SNRPF: variants seen among roughly 807,000 people sequenced by gnomAD.
The protein encoded by SNRPF is small nuclear ribonucleoprotein F.
SNRPF carries 1 observed loss-of-function variant against 13.4 expected under a neutral mutation model. That is an observed-to-expected ratio of 0.07 (90% CI 0.03 to 0.35). The LOEUF (loss-of-function observed/expected upper bound fraction) is 0.35. Ranked by LOEUF, SNRPF falls within the 10% of genes least tolerant of loss-of-function variation. SNRPF has a pLI of 0.99. For missense variants in SNRPF, 53 were observed against 101.0 expected (o/e 0.52, Z 2.04); for synonymous variants, 27 against 32.1 (o/e 0.84, Z 0.54).
In SNRPF at chr12:95,866,098, A is replaced by T; in HGVS notation, c.*27A>T. On this transcript the variant is annotated 3_prime_UTR_variant, in exon 4 of 4. Coordinates refer to ENST00000266735, the MANE Select transcript of SNRPF (RefSeq NM_003095.5). ...ATCTTTTGTGGGGGATTTTTTTTAT[A>T]TATATTTCTAGACAATAAAGATTTG... The T allele has an allele frequency of 8.9e-7, 1 of 1,117,448 alleles. No homozygotes were observed. The highest frequency in any genetic ancestry group is 1.3e-6 in the Non-Finnish European group (1 of 754,530). The allele number at this position is 1,117,448 out of a possible 1,614,324, so 69.2% of individuals were successfully genotyped here. A position where few individuals can be genotyped will look rare whatever the true frequency, so the allele number is the denominator to read the frequency against.
At chr12:95,864,316 A>T (rs879839127) in intron 2 of SNRPF, among the ~76,000 whole-genome samples, 34 of 152,220 alleles carry the variant, frequency 2.2e-4, no homozygotes, top group African/African-American at 6.7e-4. Context: ...ATCACTCCTT[A>T]GTTCCTTCTC....
chr12:95,861,636 T>G, intron 2 of SNRPF: 1 of 231,856 alleles, frequency 4.3e-6, no homozygotes, highest in Non-Finnish European at 8.5e-6. Flanking sequence ...AGTGAAATTA[T>G]TGAGTCTTTT....
At chr12:95,864,141 A>G (rs1210628815) in intron 2 of SNRPF, among the ~76,000 whole-genome samples, 2 of 152,210 alleles carry the variant, frequency 1.3e-5, no homozygotes, top group Non-Finnish European at 2.9e-5. Context: ...GATAATGGAG[A>G]TTACTTTTTG....
chr12:95,862,155 G>T (rs979723029), intron 2 of SNRPF, among the ~76,000 whole-genome samples: 2 of 152,064 alleles, frequency 1.3e-5, no homozygotes, highest in South Asian at 4.1e-4. Context: ...TTGACTTAAC[G>T]TAGTGTATTA....
At position 95,866,094 on chromosome 12, in the gene SNRPF, T is replaced by TTA; in HGVS notation, c.*31_*32dup. On this transcript the variant is annotated 3_prime_UTR_variant, in exon 4 of 4. Transcript: ENST00000266735. The stretch of plus-strand genomic sequence containing the variant: ...TAGCATCTTTTGTGGGGGATTTTTT[T>TTA]TATATATATTTCTAGACAATAAAGA... 1 of 1,186,292 alleles carries TTA rather than the reference T, an allele frequency of 8.4e-7. No individual in the cohort carries two copies. The allele number at this position is 1,186,292 out of a possible 1,614,324, so 73.5% of individuals were successfully genotyped here.
chr12:95,865,431 A>T lies in SNRPF; in HGVS notation c.194+43A>T, dbSNP rs1038332773. ...TATATGTAAGGAGTTACTGGTGAGC[A>T]TTAGGAATACCTGTTCTAAATATAT... On this transcript the variant is annotated intron_variant, in intron 3 of 3. Coordinates refer to ENST00000266735, the MANE Select transcript of SNRPF (RefSeq NM_003095.5). 4 of 903,744 alleles carry T rather than the reference A, an allele frequency of 4.4e-6. No homozygotes were observed. In the African/African-American group the frequency reaches 6.6e-5, roughly 15 times the overall value. 56.0% of individuals were successfully genotyped at this position (903,744 alleles called of 1,614,324 possible). A position where few individuals can be genotyped will look rare whatever the true frequency, so the allele number is the denominator to read the frequency against.
At chr12:95,861,397 CA>C in intron 2 of SNRPF, 104 bp downstream of exon 2, 1 of 1,103,852 alleles carries the variant, frequency 9.1e-7, no homozygotes. Flanking sequence ...ATTAAATTGA[CA>C]AATATACGGC....
At chr12:95,859,679 C>T (rs959459532) in intron 1 of SNRPF, among the ~76,000 whole-genome samples, 2 of 152,172 alleles carry the variant, frequency 1.3e-5, no homozygotes, top group South Asian at 4.2e-4. Flanking sequence ...AGCATAAGAC[C>T]TGCGGCCGGA....
intron 1 of SNRPF, among the ~76,000 whole-genome samples, chr12:95,859,362 G>C (rs1345622555): frequency 1.3e-5 from 2 of 152,164 alleles, no homozygotes; most frequent in African/African-American, 4.8e-5. Flanking sequence ...AAGAGAATTT[G>C]CACTTCCCAC....
At chr12:95,864,837 G>A (rs1236553187) in intron 2 of SNRPF, among the ~76,000 whole-genome samples, 3 of 152,216 alleles carry the variant, frequency 2.0e-5, no homozygotes, top group Non-Finnish European at 4.4e-5. Flanking sequence ...GGTGTTCAAG[G>A]TTTTGGTCAG....
intron 1 of SNRPF, 132 bp downstream of exon 1, chr12:95,859,208 C>G: frequency 1.3e-6 from 1 of 744,118 alleles, no homozygotes; most frequent in South Asian, 1.5e-5. Flanking sequence ...GTCGCCAGCT[C>G]CTTTCACTCT....
intron 3 of SNRPF, 106 bp from the exon 4 acceptor site, chr12:95,865,899 G>T: frequency 2.2e-6 from 1 of 450,858 alleles, no homozygotes; most frequent in Non-Finnish European, 4.0e-6. Context: ...TTAAAGACAA[G>T]AATATTATAA....
intron 2 of SNRPF, among the ~76,000 whole-genome samples, chr12:95,862,367 T>C (rs756595666): frequency 2.2e-4 from 33 of 152,320 alleles, no homozygotes; most frequent in Non-Finnish European, 2.5e-4. Context: ...TTCAGCTCTT[T>C]GGGGTATATA....
intron 2 of SNRPF, chr12:95,865,079 A>G (rs1189912972): frequency 3.3e-6 from 1 of 302,938 alleles, no homozygotes; most frequent in Non-Finnish European, 6.1e-6. Flanking sequence ...GAAATATTAC[A>G]TAACCTGGGA....
chr12:95,860,516 G>C (rs774484530), intron 1 of SNRPF, among the ~76,000 whole-genome samples: 13 of 152,136 alleles, frequency 8.5e-5, no homozygotes, highest in Non-Finnish European at 1.6e-4. Context: ...TTGTATGTGA[G>C]GAGTTCCCCT....
chr12:95,866,104 TTC>T lies in SNRPF; in HGVS notation c.*35_*36del. Reference sequence around the variant, plus strand: ...TGTGGGGGATTTTTTTTATATATATTTCTAGACAATAAAGATTTGTTTGTTTT... The same window carrying T: ...TGTGGGGGATTTTTTTTATATATATTTAGACAATAAAGATTTGTTTGTTTT... On this transcript the variant is annotated 3_prime_UTR_variant, in exon 4 of 4. Coordinates refer to ENST00000266735, the MANE Select transcript of SNRPF (RefSeq NM_003095.5). 9.7e-7 allele frequency: 1 copy of T among 1,027,466 alleles called. No individual in the cohort carries two copies. Among genetic ancestry groups the T allele is most frequent in the Non-Finnish European group, 1.5e-6 (1 of 682,074 alleles). The allele number at this position is 1,027,466 out of a possible 1,614,324, so 63.6% of individuals were successfully genotyped here. A position where few individuals can be genotyped will look rare whatever the true frequency, so the allele number is the denominator to read the frequency against.
At chr12:95,865,606 A>C (rs898047647) in intron 3 of SNRPF, among the ~76,000 whole-genome samples, 115 of 152,260 alleles carry the variant, frequency 7.6e-4, no homozygotes, top group African/African-American at 2.7e-3. Context: ...TCTAGTGTTG[A>C]TGTTTAATTT....
intron 3 of SNRPF, 132 bp downstream of exon 3, chr12:95,865,520 A>G (rs1377803804): frequency 2.3e-6 from 1 of 437,686 alleles, no homozygotes; most frequent in Non-Finnish European, 4.1e-6. Context: ...TTACAGTTAG[A>G]CTTCAGAAGT....
chr12:95,859,788 A>C (rs1049605492), intron 1 of SNRPF, among the ~76,000 whole-genome samples: 5 of 152,072 alleles, frequency 3.3e-5, no homozygotes, highest in Non-Finnish European at 5.9e-5. Flanking sequence ...GTTGGGCAGG[A>C]CCTCTTAGGC....
Sources: allele counts gnomAD v4.1 joint callset (sites outside exome capture counted in the v4.1 genomes callset), GRCh38; gene constraint gnomAD v4.1.1; transcripts MANE v1.5; gene names NCBI Gene and HGNC (gene_info 2026-07-23, HGNC 2026-07-21).